The following ACVR1 variants were observed in gnomAD, a reference collection of about 807,000 sequenced individuals.
The protein encoded by ACVR1 is activin receptor type-1.
Under a neutral mutation model 57.1 loss-of-function variants are expected in ACVR1, and 38 were observed. The observed-to-expected ratio is 0.67, with a 90% CI of 0.51 to 0.87. The LOEUF is 0.87. Ranked by LOEUF, ACVR1 falls within the 40% of genes least tolerant of loss-of-function variation. The pLI is 0.00. For synonymous variants in ACVR1, 212 were observed against 228.1 expected (o/e 0.93, Z 0.63); for missense variants, 463 against 638.2 (o/e 0.73, Z 2.96).
chr2:157,831,488 G>A (rs981179893), intron 1 of ACVR1, among the ~76,000 whole-genome samples: 7 of 152,200 alleles, frequency 4.6e-5, no homozygotes, highest in Admixed American at 2.0e-4. Context: ...GAGGGTGGCA[G>A]ATCTACCCGA....
At chr2:157,739,665 T>C (rs1480994303) in intron 9 of ACVR1, among the ~76,000 whole-genome samples, 2 of 152,154 alleles carry the variant, frequency 1.3e-5, no homozygotes, top group Non-Finnish European at 2.9e-5. Context: ...TTGTTCTAGT[T>C]CCTACAAGCC....
At chr2:157,799,546 C>T in intron 2 of ACVR1, 46 bp from the exon 3 acceptor site, 1 of 1,465,074 alleles carries the variant, frequency 6.8e-7, no homozygotes, top group Non-Finnish European at 9.6e-7. Flanking sequence ...AAATATCTAA[C>T]TGCAGGAAGA....
At chr2:157,763,027 T>A in intron 8 of ACVR1, among the ~76,000 whole-genome samples, 1 of 152,218 alleles carries the variant, frequency 6.6e-6, no homozygotes, top group East Asian at 1.9e-4. Context: ...AGATGCTAAA[T>A]TTTACAGGTG....
At chr2:157,875,359 T>C (rs1169495164) in intron 1 of ACVR1, among the ~76,000 whole-genome samples, 2 of 152,010 alleles carry the variant, frequency 1.3e-5, no homozygotes, top group African/African-American at 4.8e-5. Flanking sequence ...GAGATGGATA[T>C]TTTGAGGGTG....
intron 1 of ACVR1, among the ~76,000 whole-genome samples, chr2:157,831,703 C>T (rs1042493946): frequency 1.3e-5 from 2 of 152,096 alleles, no homozygotes; most frequent in Admixed American, 1.3e-4. Context: ...CAGGGTTGGG[C>T]CAGGAACTGG....
intron 9 of ACVR1, among the ~76,000 whole-genome samples, chr2:157,750,864 C>T (rs1366820914): frequency 6.6e-6 from 1 of 151,546 alleles, no homozygotes; most frequent in Non-Finnish European, 1.5e-5. Flanking sequence ...AAACAATTCA[C>T]GATCTGTGGC....
At chr2:157,806,071 C>T (rs1246576889) in intron 2 of ACVR1, among the ~76,000 whole-genome samples, 1 of 151,822 alleles carries the variant, frequency 6.6e-6, no homozygotes, top group Non-Finnish European at 1.5e-5. Context: ...TAATCAATCC[C>T]CCTGCCTCGG....
At chr2:157,840,284 T>C (rs1688933489) in intron 1 of ACVR1, among the ~76,000 whole-genome samples, 1 of 152,158 alleles carries the variant, frequency 6.6e-6, no homozygotes, top group African/African-American at 2.4e-5. Context: ...ATGGCAGCCA[T>C]TCCATGTTCA....
At chr2:157,855,029 C>T (rs184045760) in intron 1 of ACVR1, among the ~76,000 whole-genome samples, 380 of 152,164 alleles carry the variant, frequency 2.5e-3, no homozygotes, top group African/African-American at 8.5e-3. Flanking sequence ...CAGAGCAAGA[C>T]ACCATCTCAA....
At chr2:157,768,958 A>G (rs1297572064) in intron 7 of ACVR1, among the ~76,000 whole-genome samples, 1 of 152,226 alleles carries the variant, frequency 6.6e-6, no homozygotes, top group African/African-American at 2.4e-5. Context: ...AGAGACGTTT[A>G]ACTGCAACAC....
chr2:157,861,541 A>G (rs2105377254), intron 1 of ACVR1, among the ~76,000 whole-genome samples: 1 of 152,358 alleles, frequency 6.6e-6, no homozygotes, highest in South Asian at 2.1e-4. Context: ...AGGTTTCTTG[A>G]CATGAAAACT....
chr2:157,823,980 C>T (rs964118325), intron 1 of ACVR1, among the ~76,000 whole-genome samples: 3 of 152,110 alleles, frequency 2.0e-5, no homozygotes, highest in African/African-American at 7.2e-5. Context: ...GCAAAACAGG[C>T]GTCATGACTC....
intron 8 of ACVR1, among the ~76,000 whole-genome samples, chr2:157,764,722 C>T (rs559494650): frequency 1.3e-5 from 2 of 152,212 alleles, no homozygotes; most frequent in East Asian, 1.9e-4. Context: ...AGAATTTAAA[C>T]CCAAATCGCC....
chr2:157,759,636 C>CA (rs1018956931), intron 9 of ACVR1, among the ~76,000 whole-genome samples: 1 of 151,734 alleles, frequency 6.6e-6, no homozygotes, highest in Non-Finnish European at 1.5e-5. Flanking sequence ...GAAACCACAA[C>CA]AAAAAAAGAA....
intron 3 of ACVR1, among the ~76,000 whole-genome samples, chr2:157,780,837 T>A (rs75440761): frequency 7.4e-6 from 1 of 135,844 alleles, no homozygotes. Flanking sequence ...TTTTAGATCA[T>A]ATTAGGACAA....
chr2:157,834,292 C>T (rs1049166585), intron 1 of ACVR1, among the ~76,000 whole-genome samples: 60 of 151,928 alleles, frequency 3.9e-4, no homozygotes, highest in African/African-American at 1.4e-3. Flanking sequence ...GGGGTTTCAC[C>T]GTGTTAGCCA....
intron 1 of ACVR1, among the ~76,000 whole-genome samples, 192 bp from the exon 2 acceptor site, chr2:157,818,751 G>A (rs4664898): frequency 0.8 from 121,981 of 152,066 alleles, 48,932 homozygotes; most frequent in Middle Eastern, 0.86. Flanking sequence ...TTATGGATCT[G>A]TACTGGTCTT....
intron 1 of ACVR1, among the ~76,000 whole-genome samples, chr2:157,818,796 C>G (rs534687086): frequency 4.6e-5 from 7 of 152,168 alleles, no homozygotes; most frequent in African/African-American, 1.7e-4. Flanking sequence ...CCAGTAAGAT[C>G]GGCCGGGCGC....
intron 2 of ACVR1, among the ~76,000 whole-genome samples, chr2:157,816,588 C>T (rs186093021): frequency 1.3e-5 from 2 of 151,220 alleles, no homozygotes; most frequent in East Asian, 3.9e-4. Context: ...CAGAGTGAGA[C>T]CCTGCCTCAA....
Sources: gnomAD v4.1 joint callset for allele counts (sites outside exome capture counted in the v4.1 genomes callset) on GRCh38, gnomAD v4.1.1 for gene constraint, MANE v1.5 for transcripts, NCBI Gene and HGNC (gene_info 2026-07-23, HGNC 2026-07-21) for gene names.